MASP2: variants seen among roughly 807,000 people sequenced by gnomAD.
MASP2 encodes the protein mannan-binding lectin serine protease 2.
A neutral mutation model predicts 57.1 loss-of-function variants in MASP2; 49 were observed. The observed-to-expected ratio is 0.86, with a 90% CI of 0.68 to 1.09. The LOEUF (loss-of-function observed/expected upper bound fraction) is 1.09. Among genes scored for constraint, MASP2 ranks in the 50% least tolerant of loss-of-function variants. The pLI, the probability that MASP2 is intolerant of heterozygous loss-of-function variation, is 0.00. For missense variants in MASP2, 900 were observed against 874.8 expected (o/e 1.03, Z -0.36); for synonymous variants, 379 against 340.8 (o/e 1.11, Z -1.24).
At chr1:11,044,087 C>T (rs1392595389) in intron 4 of MASP2, among the ~76,000 whole-genome samples, 1 of 152,182 alleles carries the variant, frequency 6.6e-6, no homozygotes, top group Non-Finnish European at 1.5e-5. Context: ...CATCAGGGGT[C>T]TCCTACCCGA....
chr1:11,043,849 C>G (rs11589541), intron 4 of MASP2, among the ~76,000 whole-genome samples: 1 of 151,766 alleles, frequency 6.6e-6, no homozygotes, highest in African/African-American at 2.4e-5. Context: ...TGGTGGTGTC[C>G]TGAGCCAGAG....
rs370974023 is a variant in MASP2 at position 11,030,330 on chromosome 1, ATGT to A, written c.1223-83_1223-81del. 1,878 of 986,306 alleles carry A rather than the reference ATGT, an allele frequency of 1.9e-3. 23 individuals carry two copies. The African/African-American group carries it at 0.025, about 13-fold the overall frequency. 61.1% of individuals were successfully genotyped at this position (986,306 alleles called of 1,614,324 possible). ...ATTTGCTTGAATACCCCCTTGAAAAATGTTGATTCTTGAGCATCAGTGGGACAT... is the reference window on the plus strand; with the variant it reads ...ATTTGCTTGAATACCCCCTTGAAAAATGATTCTTGAGCATCAGTGGGACAT... On this transcript the variant is annotated intron_variant, in intron 9 of 10. Transcript: ENST00000400897.
Position 11,030,234 on chromosome 1 carries a change from C to G in MASP2, c.1239G>C (p.Glu413Asp). ...MKVNDGKYVC[E>D]ADGFWTSSKG... ...TGGAGCTCGTCCAGAATCCATCAGC[C>G]TCACACACATATTTACCTGCAAATC... Residue 413 changes from glutamate (E) to aspartate (D), a missense_variant, in exon 10 of 11, where the codon GAG becomes GAC. Transcript: ENST00000400897. 6.2e-7 allele frequency: 1 copy of G among 1,613,494 alleles called. No individual in the cohort carries two copies. Among genetic ancestry groups the G allele is most frequent in the South Asian group, 1.1e-5 (1 of 90,978 alleles).
intron 8 of MASP2, among the ~76,000 whole-genome samples, chr1:11,032,355 T>A (rs1258312253): frequency 6.6e-6 from 1 of 152,182 alleles, no homozygotes; most frequent in Admixed American, 6.5e-5. Context: ...CTCACACCTG[T>A]AATTGCAGCA....
In MASP2 at chr1:11,026,788, G is replaced by A; in HGVS notation, c.*97C>T. The A allele has an allele frequency of 9.5e-7, 1 of 1,051,478 alleles. No homozygotes were observed. Among genetic ancestry groups the A allele is most frequent in the Non-Finnish European group, 1.3e-6 (1 of 761,198 alleles). 65.1% of individuals were successfully genotyped at this position (1,051,478 alleles called of 1,614,324 possible). On this transcript the variant is annotated 3_prime_UTR_variant, in exon 11 of 11. Coordinates refer to ENST00000400897, the MANE Select transcript of MASP2 (RefSeq NM_006610.4). ...TTTTGGGTGGAGCAACAACTGCCAT[G>A]TCCACAGTAATGATGAATGCTTCTC...
In MASP2 at chr1:11,046,620, G is replaced by A. The variant is rs771202424; in HGVS notation, c.348C>T (p.Thr116=). The A allele has an allele frequency of 1.2e-6, 2 of 1,613,690 alleles. No individual in the cohort carries two copies. Among genetic ancestry groups the A allele is most frequent in the Admixed American group, 1.7e-5 (1 of 60,012 alleles). The change falls in exon 3 of 11, where the codon ACC becomes ACT. Residue 116 remains threonine, a synonymous_variant. Coordinates refer to ENST00000400897, the MANE Select transcript of MASP2 (RefSeq NM_006610.4). ...FYSLGSSLDI[T]FRSDYSNEKP... is the part of the protein sequence containing the mutation. ...TCTCGTTGGAGTAGTCGGAGCGGAA[G>A]GTAATGTCCAGGCTGGAGCCCAGCG...
rs780730492 is a variant in MASP2 at position 11,046,952 on chromosome 1, C to T, written c.173G>A (p.Arg58His). ...CAGGTCGAAGTGGGTGAAGTAGAGGCGCAGGCGGTAGCCGGGGGGTGCAGT... is the reference window on the plus strand; with the variant it reads ...CAGGTCGAAGTGGGTGAAGTAGAGGTGCAGGCGGTAGCCGGGGGGTGCAGT... ...TLTAPPGYRL[R>H]LYFTHFDLEL... is the part of the protein sequence containing the mutation. Residue 58 changes from arginine (R) to histidine (H), a missense_variant, in exon 2 of 11, where the codon CGC becomes CAC. Arg to His is a conservative substitution (Grantham distance 29). Coordinates refer to ENST00000400897, the MANE Select transcript of MASP2 (RefSeq NM_006610.4). 32 of 1,568,832 alleles carry T rather than the reference C, an allele frequency of 2.0e-5. No homozygotes were observed. The highest frequency in any genetic ancestry group is 2.5e-5 in the Non-Finnish European group (29 of 1,156,752).
At chr1:11,045,185 G>T (rs1638589842) in intron 4 of MASP2, 1 of 776,198 alleles carries the variant, frequency 1.3e-6, no homozygotes, top group Non-Finnish European at 2.2e-6. Context: ...TACACAGTGG[G>T]ATGTTAGAAT....
In MASP2 at chr1:11,046,980, G is replaced by A. The variant is rs756115128; in HGVS notation, c.145C>T (p.Leu49=). 7.1e-6 allele frequency: 11 copies of A among 1,558,406 alleles called. No homozygotes were observed. The highest frequency in any genetic ancestry group is 1.9e-5 in the Admixed American group (1 of 51,908). ...AGGCGGTAGCCGGGGGGTGCAGTCA[G>A]GGTCCAGCGCCGCTCCTGGTCATTG... ...YANDQERRWT[L]TAPPGYRLRL... The change falls in exon 2 of 11, where the codon CTG becomes TTG. Residue 49 remains leucine, a synonymous_variant. Transcript: ENST00000400897.
At position 11,043,011 on chromosome 1, in the gene MASP2, G is replaced by C. The variant is rs1638508024; in HGVS notation, c.753C>G (p.Asp251Glu). ...CPYDFLKIQT[D>E]REEHGPFCGK... ...CACAGAATGGGCCATGTTCTTCTCT[G>C]TCTGTTTGAATCTGAGAAAGAAGCT... Residue 251 changes from aspartate to glutamate, a missense_variant, in exon 6 of 11, where the codon GAC (aspartate) becomes GAG (glutamate). Physicochemically the swap from Asp to Glu is conservative, Grantham distance 45. Transcript: ENST00000400897. 1.2e-6 allele frequency: 2 copies of C among 1,613,836 alleles called. No homozygotes were observed. The highest frequency in any genetic ancestry group is 2.2e-5 in the South Asian group (2 of 91,082).
Position 11,047,057 on chromosome 1 carries a change from G to A in MASP2, c.68C>T (p.Pro23Leu). The A allele has an allele frequency of 6.4e-7, 1 of 1,550,780 alleles. No homozygotes were observed. The highest frequency in any genetic ancestry group is 2.4e-5 in the East Asian group (1 of 40,940). Residue 23 changes from proline to leucine, a missense_variant, in exon 2 of 11, where the codon CCT becomes CTT. Physicochemically the swap from Pro to Leu is moderately conservative, Grantham distance 98 (BLOSUM62 -3). Coordinates refer to ENST00000400897, the MANE Select transcript of MASP2 (RefSeq NM_006610.4). ...TGCCAGGCGCCCGAACACAGGTTCA[G>A]GCCACTTCGGGCCCAAGGGGGTGGC... Reference protein sequence around the residue: ...SVATPLGPKWPEPVFGRLASP... With the variant: ...SVATPLGPKWLEPVFGRLASP...
chr1:11,047,074 G>A lies in MASP2; in HGVS notation c.51C>T (p.Pro17=), dbSNP rs890093325. 17 of 1,549,978 alleles carry A rather than the reference G, an allele frequency of 1.1e-5. No individual in the cohort carries two copies. The highest frequency in any genetic ancestry group is 2.0e-5 in the Admixed American group (1 of 50,994). The part of the protein sequence containing the change: ...LGLLCGSVAT[P]LGPKWPEPVF... ...CAGGTTCAGGCCACTTCGGGCCCAA[G>A]GGGGTGGCCACCGAGCCACACAGAA... The change falls in exon 2 of 11, where the codon CCC becomes CCT. Residue 17 remains proline, a synonymous_variant. Coordinates refer to ENST00000400897, the MANE Select transcript of MASP2 (RefSeq NM_006610.4).
At position 11,030,694 on chromosome 1, in the gene MASP2, T is replaced by C. The variant is rs774168011; in HGVS notation, c.1222+54A>G. On this transcript the variant is annotated intron_variant, in intron 9 of 10. Coordinates refer to ENST00000400897, the MANE Select transcript of MASP2 (RefSeq NM_006610.4). ...TTGGTTAAAGTTTATTTTCAGACCATGGGGGCTCAAGTTCCAAGTATTGCC... is the reference window on the plus strand; with the variant it reads ...TTGGTTAAAGTTTATTTTCAGACCACGGGGGCTCAAGTTCCAAGTATTGCC... 55 of 1,534,466 alleles carry C rather than the reference T, an allele frequency of 3.6e-5. No homozygotes were observed. In the South Asian group the frequency reaches 5.8e-4, roughly 16 times the overall value.
Position 11,047,023 on chromosome 1 carries a change from G to A in MASP2, c.102C>T (p.Gly34=). ...EPVFGRLASP[G]FPGEYANDQE... is the part of the protein sequence containing the mutation. ...GGTCATTGGCATACTCCCCTGGAAAGCCGGGGGATGCCAGGCGCCCGAACA... is the reference window on the plus strand; with the variant it reads ...GGTCATTGGCATACTCCCCTGGAAAACCGGGGGATGCCAGGCGCCCGAACA... The change falls in exon 2 of 11, where the codon GGC becomes GGT. Residue 34 remains glycine (G), a synonymous_variant. Coordinates refer to ENST00000400897, the MANE Select transcript of MASP2 (RefSeq NM_006610.4). 1 of 1,551,894 alleles carries A rather than the reference G, an allele frequency of 6.4e-7. No individual in the cohort carries two copies. The highest frequency in any genetic ancestry group is 1.7e-4 in the Middle Eastern group (1 of 5,950).
chr1:11,043,038 A>G lies in MASP2; in HGVS notation c.742-16T>C. 1.2e-6 allele frequency: 2 copies of G among 1,612,346 alleles called. No homozygotes were observed. Among genetic ancestry groups the G allele is most frequent in the Non-Finnish European group, 8.5e-7 (1 of 1,178,838 alleles). ...CTGTTTGAATCTGAGAAAGAAGCTC[A>G]TGAAAGCTGGGGAGCAGCTGCCTGG... On this transcript the variant is annotated splice_polypyrimidine_tract_variant and intron_variant, in intron 5 of 10. Transcript: ENST00000400897.
chr1:11,030,828 G>A lies in MASP2; in HGVS notation c.1142C>T (p.Thr381Ile), dbSNP rs143981111. Residue 381 changes from threonine (T) to isoleucine (I), a missense_variant, in exon 9 of 11, where the codon ACA becomes ATA. Thr to Ile is a moderately conservative substitution (Grantham distance 89). Coordinates refer to ENST00000400897, the MANE Select transcript of MASP2 (RefSeq NM_006610.4). The stretch of plus-strand genomic sequence containing the variant: ...TTTGTAGGTGGTCACTCCAGGACCT[G>A]TGATGTACTCCACTCGGCCACTGGG... The part of the protein sequence containing the change: ...DLPSGRVEYI[T>I]GPGVTTYKAV... 8.8e-4 allele frequency: 1,414 copies of A among 1,613,926 alleles called. No homozygotes were observed. Among genetic ancestry groups the A allele is most frequent in the Non-Finnish European group, 1.1e-3 (1,322 of 1,179,824 alleles).
At position 11,046,691 on chromosome 1, in the gene MASP2, C is replaced by T. The variant is rs747767865; in HGVS notation, c.277G>A (p.Glu93Lys). The T allele has an allele frequency of 1.9e-6, 3 of 1,613,448 alleles. No individual in the cohort carries two copies. In the South Asian group the frequency reaches 3.3e-5, roughly 18 times the overall value. The change falls in exon 3 of 11, where the codon GAG (glutamate) becomes AAG (lysine). Residue 93 changes from glutamate (E) to lysine (K), a missense_variant. Coordinates refer to ENST00000400897, the MANE Select transcript of MASP2 (RefSeq NM_006610.4). ...AKVLATLCGQ[E>K]STDTERAPGK... is the part of the protein sequence containing the mutation. ...GGGGCCCGCTCCGTGTCTGTGCTCTCCTGCCCGCACAGCGTGGCCAGCACC... is the reference window on the plus strand; with the variant it reads ...GGGGCCCGCTCCGTGTCTGTGCTCTTCTGCCCGCACAGCGTGGCCAGCACC...
At chr1:11,037,003 C>T (rs902998592) in intron 7 of MASP2, among the ~76,000 whole-genome samples, 6 of 152,094 alleles carry the variant, frequency 3.9e-5, no homozygotes, top group Non-Finnish European at 8.8e-5. Flanking sequence ...AGCCACTTCA[C>T]AAAGAGCTGC....
At chr1:11,037,606 ACTTTC>A (rs1638283057) in intron 7 of MASP2, 82 bp downstream of exon 7, 2 of 783,432 alleles carry the variant, frequency 2.6e-6, no homozygotes, top group Non-Finnish European at 4.0e-6. Context: ...CGATTTTCTC[ACTTTC>A]CTTTCACATA....
Sources: gnomAD v4.1 joint callset for allele counts (sites outside exome capture counted in the v4.1 genomes callset) on GRCh38, gnomAD v4.1.1 for gene constraint, MANE v1.5 for transcripts, NCBI Gene and HGNC (gene_info 2026-07-23, HGNC 2026-07-21) for gene names.